COL4A3: variants seen among roughly 807,000 people sequenced by gnomAD.
COL4A3 encodes the protein collagen type IV alpha 3 chain, also known as collagen alpha-3(IV) chain.
In COL4A3, 135 loss-of-function variants were observed where a neutral mutation model predicts 217.4. The observed-to-expected ratio is 0.62, with a 90% CI of 0.54 to 0.72. The LOEUF (loss-of-function observed/expected upper bound fraction) is 0.72. Ranked by LOEUF, COL4A3 falls within the 30% of genes least tolerant of loss-of-function variation. The pLI, the probability that COL4A3 is intolerant of heterozygous loss-of-function variation, is 0.00. For synonymous variants in COL4A3, 690 were observed against 736.3 expected (o/e 0.94, Z 1.02); for missense variants, 1,868 against 2,119.9 (o/e 0.88, Z 2.33).
intron 26 of COL4A3, among the ~76,000 whole-genome samples, chr2:227,275,169 CTGTTGTTGT>C (rs200536643): frequency 6.0e-5 from 9 of 151,144 alleles, no homozygotes; most frequent in South Asian, 2.1e-4. Flanking sequence ...ACCAAATGCT[CTGTTGTTGT>C]TGTTGTTGTT....
rs1343220469 is a variant in COL4A3 at position 227,284,334 on chromosome 2, C to A, written c.2870C>A (p.Pro957Gln). The change falls in exon 34 of 52, where the codon CCA becomes CAA. Residue 957 changes from proline (P) to glutamine (Q), a missense_variant. This residue lies in a region of COL4A3 where 1,503 missense variants were observed against 1,786.1 expected (regional missense o/e 0.84). Transcript: ENST00000396578. The part of the protein sequence containing the change: ...ISHVIGDKGE[P>Q]GLKGFAGNPG... ...CACGTAATAGGGGACAAAGGAGAAC[C>A]AGGTCTCAAAGGTAAAGAATTGCTT... The A allele has an allele frequency of 6.2e-7, 1 of 1,613,720 alleles. No homozygotes were observed. Among genetic ancestry groups the A allele is most frequent in the Non-Finnish European group, 8.5e-7 (1 of 1,179,912 alleles).
chr2:227,224,426 GAAAA>G (rs1465179320), intron 1 of COL4A3, among the ~76,000 whole-genome samples: 1 of 152,056 alleles, frequency 6.6e-6, no homozygotes, highest in African/African-American at 2.4e-5. Context: ...TTTCCAAACT[GAAAA>G]AACAAACAAA....
intron 1 of COL4A3, among the ~76,000 whole-genome samples, chr2:227,171,419 CAT>C (rs1444961985): frequency 6.6e-6 from 1 of 152,148 alleles, no homozygotes; most frequent in Admixed American, 6.5e-5. Flanking sequence ...CCACCTAAGA[CAT>C]ATACACTGTG....
At chr2:227,254,012 A>T in intron 13 of COL4A3, 100 bp from the exon 14 acceptor site, 3 of 1,127,478 alleles carry the variant, frequency 2.7e-6, no homozygotes, top group Non-Finnish European at 4.1e-6. Flanking sequence ...CATAGTTTGT[A>T]AACCCAGTTT....
chr2:227,202,773 C>A (rs55765494), intron 1 of COL4A3, among the ~76,000 whole-genome samples: 3 of 111,930 alleles, frequency 2.7e-5, no homozygotes, highest in South Asian at 2.7e-4. Flanking sequence ...ATATATATAT[C>A]ACATATATAT....
At chr2:227,257,322 T>C (rs905699998) in intron 17 of COL4A3, among the ~76,000 whole-genome samples, 1 of 152,190 alleles carries the variant, frequency 6.6e-6, no homozygotes. Flanking sequence ...CACAGGAACA[T>C]GCAATGAACA....
chr2:227,253,341 AT>A lies in COL4A3; in HGVS notation c.687+7del. 1 of 1,613,606 alleles carries A rather than the reference AT, an allele frequency of 6.2e-7. No homozygotes were observed. The highest frequency in any genetic ancestry group is 2.2e-5 in the East Asian group (1 of 44,876). On this transcript the variant is annotated splice_donor_5th_base_variant and intron_variant, in intron 12 of 51. Coordinates refer to ENST00000396578, the MANE Select transcript of COL4A3 (RefSeq NM_000091.5). The surrounding 1 kb of genome is among the most constrained non-coding windows in gnomAD (Gnocchi z 4.4). Reference sequence around the variant, plus strand: ...GATAGGACATAAAGGAGAGCGGGTAATTTAAATACTATGTTTTATTAGCAGG... The same window carrying A: ...GATAGGACATAAAGGAGAGCGGGTAATTAAATACTATGTTTTATTAGCAGG...
At chr2:227,273,191 C>G in intron 26 of COL4A3, 74 bp downstream of exon 26, 2 of 1,505,016 alleles carry the variant, frequency 1.3e-6, no homozygotes, top group South Asian at 2.3e-5. Flanking sequence ...CGAAGCTTCT[C>G]CAAGACTAAG....
At position 227,253,756 on chromosome 2, in the gene COL4A3, T is replaced by C. The variant is rs2069952287; in HGVS notation, c.765+118T>C. On this transcript the variant is annotated intron_variant, in intron 13 of 51. Transcript: ENST00000396578. The surrounding 1 kb of genome is among the most constrained non-coding windows in gnomAD (Gnocchi z 4.4). Reference sequence around the variant, plus strand: ...CTAAGTCCAGCTCAGCCCAGCTCCCTCAGCCAGCCAGAACCTCCAGGATTG... The same window carrying C: ...CTAAGTCCAGCTCAGCCCAGCTCCCCCAGCCAGCCAGAACCTCCAGGATTG... 1.1e-6 allele frequency: 1 copy of C among 906,804 alleles called. No homozygotes were observed. The allele number at this position is 906,804 out of a possible 1,614,324, so 56.2% of individuals were successfully genotyped here.
rs915040401 is a variant in COL4A3 at position 227,245,925 on chromosome 2, C to T, written c.325-29C>T. The T allele has an allele frequency of 3.1e-6, 5 of 1,590,356 alleles. No individual in the cohort carries two copies. In the African/African-American group the frequency reaches 6.7e-5, roughly 21 times the overall value. On this transcript the variant is annotated intron_variant, in intron 5 of 51. Transcript: ENST00000396578. ...TTCAGTGCTGTTTCTTGGGATGACC[C>T]TCCTCATTGAGACTTGTTCTTCTTC...
At chr2:227,283,921 A>G in intron 33 of COL4A3, 65 bp downstream of exon 33, 11 of 1,427,174 alleles carry the variant, frequency 7.7e-6, no homozygotes, top group Non-Finnish European at 5.9e-6. Context: ...TTTTGCAGCA[A>G]AAAAAGTTAT....
chr2:227,297,421 T>C (rs1185244767), intron 41 of COL4A3, among the ~76,000 whole-genome samples: 2 of 152,146 alleles, frequency 1.3e-5, no homozygotes, highest in Non-Finnish European at 2.9e-5. Flanking sequence ...AAATCAAAAT[T>C]TGTAATAGTA....
intron 1 of COL4A3, among the ~76,000 whole-genome samples, chr2:227,208,802 A>ACACACACACT (rs2067201656): frequency 9.1e-6 from 1 of 109,984 alleles, no homozygotes; most frequent in African/African-American, 3.5e-5. Flanking sequence ...ACACACACAC[A>ACACACACACT]CACATATATA....
chr2:227,280,217 C>T (rs777291600), intron 29 of COL4A3, among the ~76,000 whole-genome samples: 14 of 152,098 alleles, frequency 9.2e-5, no homozygotes, highest in Non-Finnish European at 1.8e-4. Flanking sequence ...AGATTTTTCT[C>T]TTTATAGACA....
At chr2:227,186,326 C>A (rs576116147) in intron 1 of COL4A3, among the ~76,000 whole-genome samples, 3 of 152,158 alleles carry the variant, frequency 2.0e-5, no homozygotes, top group South Asian at 2.1e-4. Context: ...GATGAGTGTC[C>A]AATAATGAGG....
At chr2:227,270,691 T>C in intron 24 of COL4A3, 79 bp from the exon 25 acceptor site, 2 of 1,416,020 alleles carry the variant, frequency 1.4e-6, no homozygotes, top group Non-Finnish European at 2.0e-6. Flanking sequence ...TGAAAAGTTC[T>C]TGTCCACACT....
At chr2:227,213,526 T>C (rs1361679881) in intron 1 of COL4A3, among the ~76,000 whole-genome samples, 1 of 151,560 alleles carries the variant, frequency 6.6e-6, no homozygotes, top group Non-Finnish European at 1.5e-5. Context: ...TAGATTTCCC[T>C]GTAGGCTGTA....
At chr2:227,247,869 G>T (rs925559628) in intron 8 of COL4A3, among the ~76,000 whole-genome samples, 3 of 152,080 alleles carry the variant, frequency 2.0e-5, no homozygotes, top group Non-Finnish European at 4.4e-5. Context: ...ACATTCTAGG[G>T]CAGGGATTGT....
chr2:227,259,367 C>T (rs1334862681), intron 18 of COL4A3: 1 of 157,826 alleles, frequency 6.3e-6, no homozygotes, highest in African/African-American at 2.4e-5. Flanking sequence ...GTTCAGTCCA[C>T]CAGGACCAGC....
Sources: allele counts gnomAD v4.1 joint callset (sites outside exome capture counted in the v4.1 genomes callset), GRCh38; gene constraint gnomAD v4.1.1; regional missense constraint gnomAD v4.1.1; non-coding constraint Gnocchi (gnomAD v3.1); transcripts MANE v1.5; gene names NCBI Gene and HGNC (gene_info 2026-07-23, HGNC 2026-07-21).